The following EIF4E3 variants were observed in gnomAD, a reference collection of about 807,000 sequenced individuals.
The protein encoded by EIF4E3 is eukaryotic translation initiation factor 4E type 3.
A neutral mutation model predicts 31.7 loss-of-function variants in EIF4E3; 26 were observed. The observed-to-expected ratio is 0.82, with a 90% CI of 0.60 to 1.14. The LOEUF is 1.14. Among genes scored for constraint, EIF4E3 ranks in the 50% most tolerant of loss-of-function variants. The pLI is 0.00. For synonymous variants in EIF4E3, 128 were observed against 107.7 expected (o/e 1.19, Z -1.17); for missense variants, 304 against 270.9 (o/e 1.12, Z -0.86).
At chr3:71,738,336 A>G (rs1559613027) in intron 1 of EIF4E3, among the ~76,000 whole-genome samples, 1 of 152,178 alleles carries the variant, frequency 6.6e-6, no homozygotes, top group Non-Finnish European at 1.5e-5. Flanking sequence ...TTTTACCCCC[A>G]CCAGGTAGAG....
chr3:71,709,699 G>A (rs936902528), intron 2 of EIF4E3, among the ~76,000 whole-genome samples: 1 of 152,056 alleles, frequency 6.6e-6, no homozygotes, highest in African/African-American at 2.4e-5. Flanking sequence ...TTTTTCAGTT[G>A]TGTTTTTCCA....
chr3:71,737,916 AT>A (rs1330815713), intron 1 of EIF4E3, among the ~76,000 whole-genome samples: 1 of 152,236 alleles, frequency 6.6e-6, no homozygotes, highest in African/African-American at 2.4e-5. Flanking sequence ...ACTCAGTGAA[AT>A]ATCTATTCAA....
chr3:71,738,693 A>G (rs1355049363), intron 1 of EIF4E3, among the ~76,000 whole-genome samples: 6 of 152,126 alleles, frequency 3.9e-5, no homozygotes, highest in African/African-American at 4.8e-5. Flanking sequence ...GAGATAGGCA[A>G]TAGAAAATTA....
chr3:71,701,729 TA>T (rs1057258164), intron 2 of EIF4E3, among the ~76,000 whole-genome samples: 1 of 152,084 alleles, frequency 6.6e-6, no homozygotes, highest in Non-Finnish European at 1.5e-5. Flanking sequence ...TGTTTTGTGT[TA>T]AAAAAATAAT....
upstream of EIF4E3, among the ~76,000 whole-genome samples, chr3:71,725,867 A>G (rs1008228691): frequency 2.0e-5 from 3 of 152,156 alleles, no homozygotes; most frequent in East Asian, 5.8e-4. The surrounding 1 kb of genome is among the most constrained non-coding windows in gnomAD (Gnocchi z 6.1). Flanking sequence ...AGCAGTCAGA[A>G]GGATGGAGTG....
chr3:71,724,662 G>C (rs2049602856), intron 1 of EIF4E3, among the ~76,000 whole-genome samples: 1 of 152,226 alleles, frequency 6.6e-6, no homozygotes, highest in African/African-American at 2.4e-5. Flanking sequence ...AGGAAGAACT[G>C]GAAGAGGAGT....
At chr3:71,728,060 T>A (rs921609842), upstream of EIF4E3, among the ~76,000 whole-genome samples, 1 of 152,222 alleles carries the variant, frequency 6.6e-6, no homozygotes, top group Non-Finnish European at 1.5e-5. Context: ...TATTAGCCAA[T>A]GAAGAAGCAT....
At chr3:71,726,247 A>G (rs541235367), upstream of EIF4E3, among the ~76,000 whole-genome samples, 66 of 152,364 alleles carry the variant, frequency 4.3e-4, no homozygotes, top group African/African-American at 1.5e-3. Context: ...CAAAGTATCC[A>G]GATCTGCCCT....
At chr3:71,725,438 C>G (rs1578377372), upstream of EIF4E3, 37 of 795,554 alleles carry the variant, frequency 4.7e-5, no homozygotes, top group African/African-American at 5.7e-5. This position sits in a 1 kb window ranked among gnomAD's most constrained non-coding sequence, Gnocchi z 6.1. Context: ...TCACCCCCGG[C>G]CCCCGCCCCG....
chr3:71,667,004 A>G, the EIF4E3 span, among the ~76,000 whole-genome samples: 3 of 152,192 alleles, frequency 2.0e-5, no homozygotes, highest in African/African-American at 4.8e-5. Flanking sequence ...AAAATCCTCA[A>G]TAAAATACTA....
chr3:71,713,020 C>T (rs560251587), intron 1 of EIF4E3, among the ~76,000 whole-genome samples: 31 of 152,220 alleles, frequency 2.0e-4, no homozygotes, highest in African/African-American at 5.8e-4. Context: ...GAAGAAATCA[C>T]GTTTCCAGAG....
At chr3:71,665,575 C>T in the EIF4E3 span, among the ~76,000 whole-genome samples, 1 of 152,198 alleles carries the variant, frequency 6.6e-6, no homozygotes, top group African/African-American at 2.4e-5. Context: ...ATACTTTTAA[C>T]TGGAGCTGCC....
chr3:71,707,742 T>C (rs757589565), intron 2 of EIF4E3, among the ~76,000 whole-genome samples: 2 of 152,190 alleles, frequency 1.3e-5, no homozygotes, highest in Non-Finnish European at 2.9e-5. Context: ...ATGAGATTTG[T>C]TCACTGATCT....
At chr3:71,672,775 C>T (rs1233125972), downstream of EIF4E3, among the ~76,000 whole-genome samples, 2 of 152,130 alleles carry the variant, frequency 1.3e-5, no homozygotes, top group African/African-American at 2.4e-5. Context: ...TCATTTAAAA[C>T]ATCTTTTTTC....
the EIF4E3 span, among the ~76,000 whole-genome samples, chr3:71,669,817 T>A: frequency 6.6e-6 from 1 of 152,178 alleles, no homozygotes; most frequent in Non-Finnish European, 1.5e-5. Context: ...AAGGAGAAGA[T>A]CAAAGCAATC....
intron 1 of EIF4E3, among the ~76,000 whole-genome samples, chr3:71,712,635 T>TGGGGGGGGGGGGGGG (rs760932981): frequency 5.1e-5 from 3 of 59,360 alleles, no homozygotes; most frequent in African/African-American, 1.9e-4. Flanking sequence ...TTGCGGGGGG[T>TGGGGGGGGGGGGGGG]GGGCGGGGGA....
At chr3:71,754,158 G>A (rs1178324570), upstream of EIF4E3, 3 of 1,457,348 alleles carry the variant, frequency 2.1e-6, no homozygotes, top group East Asian at 3.0e-5. The surrounding 1 kb of genome is among the most constrained non-coding windows in gnomAD (Gnocchi z 5.8). Flanking sequence ...AGCGGGCAAC[G>A]TGCTGTTCGC....
chr3:71,717,991 C>A (rs1277673427), intron 1 of EIF4E3, among the ~76,000 whole-genome samples: 1 of 152,212 alleles, frequency 6.6e-6, no homozygotes, highest in Admixed American at 6.5e-5. Flanking sequence ...TACACAGGCA[C>A]ACAATAAATG....
intron 1 of EIF4E3, among the ~76,000 whole-genome samples, chr3:71,731,862 T>C (rs1400284934): frequency 1.3e-5 from 2 of 152,186 alleles, no homozygotes; most frequent in Non-Finnish European, 1.5e-5. Flanking sequence ...ACCCCCTTTT[T>C]CAAATGCATT....
Sources: gnomAD v4.1 joint callset for allele counts (sites outside exome capture counted in the v4.1 genomes callset) on GRCh38, gnomAD v4.1.1 for gene constraint, Gnocchi (gnomAD v3.1) non-coding constraint, MANE v1.5 for transcripts, NCBI Gene and HGNC (gene_info 2026-07-23, HGNC 2026-07-21) for gene names.